Variants in NPAS3 observed in about 807,000 individuals in gnomAD.
NPAS3 encodes neuronal PAS domain-containing protein 3.
A neutral mutation model predicts 73.1 loss-of-function variants in NPAS3; 14 were observed. The ratio of observed to expected loss-of-function variants is 0.19; its 90% CI spans 0.13 to 0.30. The LOEUF (loss-of-function observed/expected upper bound fraction) is 0.30. Ranked by LOEUF, NPAS3 falls within the 10% of genes least tolerant of loss-of-function variation. NPAS3 has a pLI of 1.00. For synonymous variants in NPAS3, 620 were observed against 541.5 expected (o/e 1.14, Z -2.01); for missense variants, 1,096 against 1,250.0 (o/e 0.88, Z 1.86).
chr14:33,571,678 C>T (rs2139821880), intron 5 of NPAS3, among the ~76,000 whole-genome samples: 1 of 152,308 alleles, frequency 6.6e-6, no homozygotes, highest in Middle Eastern at 3.4e-3. Context: ...CTAGCAATTG[C>T]CTGCTAAGAC....
chr14:33,085,139 G>C (rs536269549), intron 2 of NPAS3, among the ~76,000 whole-genome samples: 1 of 152,134 alleles, frequency 6.6e-6, no homozygotes, highest in Non-Finnish European at 1.5e-5. Context: ...ACCATGTTGC[G>C]TGAGATTTGT....
chr14:33,020,693 T>TA (rs58796157), intron 1 of NPAS3, among the ~76,000 whole-genome samples: 3,160 of 152,120 alleles, frequency 0.021, 92 homozygotes, highest in African/African-American at 0.065. Flanking sequence ...CACCAATCTT[T>TA]AAAAAATATT....
At chr14:33,784,238 T>C (rs1412847500) in intron 9 of NPAS3, among the ~76,000 whole-genome samples, 1 of 152,148 alleles carries the variant, frequency 6.6e-6, no homozygotes. Context: ...CCTATTCAAG[T>C]TTATCTAACA....
chr14:33,606,000 T>TAATATTGCCAA (rs2057547863), intron 5 of NPAS3, among the ~76,000 whole-genome samples: 1 of 152,122 alleles, frequency 6.6e-6, no homozygotes, highest in Admixed American at 6.5e-5. Context: ...CAAGACAGCG[T>TAATATTGCCAA]GATATTGGCA....
chr14:32,941,625 T>C (rs2036019233), intron 1 of NPAS3, among the ~76,000 whole-genome samples: 1 of 151,950 alleles, frequency 6.6e-6, no homozygotes, highest in Admixed American at 6.6e-5. Flanking sequence ...GAAATTCTGA[T>C]TGAAGTTGTA....
At chr14:33,159,988 C>T (rs1435311474) in intron 2 of NPAS3, among the ~76,000 whole-genome samples, 4 of 152,120 alleles carry the variant, frequency 2.6e-5, no homozygotes, top group South Asian at 4.1e-4. Flanking sequence ...CTAAACTCAA[C>T]AAATTTAAAT....
At chr14:32,939,638 A>G (rs996335123) in intron 1 of NPAS3, among the ~76,000 whole-genome samples, 2 of 149,334 alleles carry the variant, frequency 1.3e-5, no homozygotes, top group Admixed American at 6.7e-5. Flanking sequence ...AAAAAAAAAA[A>G]AAGAAGAAAG....
chr14:33,696,703 C>T (rs2060392352), intron 6 of NPAS3, among the ~76,000 whole-genome samples: 1 of 152,194 alleles, frequency 6.6e-6, no homozygotes, highest in Non-Finnish European at 1.5e-5. Context: ...ATTTAGTTTG[C>T]TTCCAGGAAA....
intron 4 of NPAS3, among the ~76,000 whole-genome samples, chr14:33,369,836 A>AAAC (rs2046008364): frequency 1.3e-5 from 2 of 152,152 alleles, no homozygotes; most frequent in Admixed American, 1.3e-4. Flanking sequence ...ACTAGCAGGG[A>AAAC]AACTTTTGAG....
chr14:33,530,551 T>C (rs2053994527), intron 4 of NPAS3, among the ~76,000 whole-genome samples: 1 of 152,086 alleles, frequency 6.6e-6, no homozygotes, highest in Non-Finnish European at 1.5e-5. Flanking sequence ...GTTGTCAGTT[T>C]GAAAAACCCT....
intron 1 of NPAS3, among the ~76,000 whole-genome samples, chr14:32,984,483 CTT>C (rs928750829): frequency 6.6e-6 from 1 of 152,140 alleles, no homozygotes; most frequent in African/African-American, 2.4e-5. Context: ...TTTTATGAGT[CTT>C]TGGAGATGTG....
intron 5 of NPAS3, among the ~76,000 whole-genome samples, chr14:33,668,927 C>T (rs978415916): frequency 2.6e-5 from 4 of 152,152 alleles, no homozygotes; most frequent in Non-Finnish European, 4.4e-5. Flanking sequence ...GGACAAAATT[C>T]GCTATGAAAA....
intron 4 of NPAS3, among the ~76,000 whole-genome samples, chr14:33,458,319 T>G (rs998940306): frequency 7.9e-5 from 12 of 152,252 alleles, no homozygotes; most frequent in Non-Finnish European, 1.8e-4. Context: ...TTTTCTTTCA[T>G]GTCACAATCT....
At chr14:33,308,559 C>CACAT (rs1235428200) in intron 3 of NPAS3, among the ~76,000 whole-genome samples, 4 of 60,658 alleles carry the variant, frequency 6.6e-5, no homozygotes, top group African/African-American at 4.6e-4. Flanking sequence ...CACACACATA[C>CACAT]ATACATTATA....
At chr14:33,256,153 A>C (rs938953399) in intron 3 of NPAS3, among the ~76,000 whole-genome samples, 1 of 152,160 alleles carries the variant, frequency 6.6e-6, no homozygotes. Context: ...CTGACCACCA[A>C]AGTTGTAGTT....
At chr14:33,109,804 G>A (rs1228350584) in intron 2 of NPAS3, among the ~76,000 whole-genome samples, 1 of 130,838 alleles carries the variant, frequency 7.6e-6, no homozygotes, top group African/African-American at 2.8e-5. Flanking sequence ...TCTGTAATTT[G>A]CATGTCTTTT....
intron 6 of NPAS3, among the ~76,000 whole-genome samples, chr14:33,721,762 G>T (rs2061118603): frequency 6.6e-6 from 1 of 152,192 alleles, no homozygotes; most frequent in African/African-American, 2.4e-5. Flanking sequence ...AGTAAAACAT[G>T]AGGATAAGCA....
chr14:33,086,179 C>A (rs942630969), intron 2 of NPAS3, among the ~76,000 whole-genome samples: 1 of 152,064 alleles, frequency 6.6e-6, no homozygotes, highest in Non-Finnish European at 1.5e-5. Flanking sequence ...ATTTAGTTGA[C>A]TGCGTAAGTT....
intron 1 of NPAS3, among the ~76,000 whole-genome samples, chr14:33,020,423 C>T (rs1378154512): frequency 6.6e-6 from 1 of 152,120 alleles, no homozygotes; most frequent in South Asian, 2.1e-4. Context: ...CAAATGTTAA[C>T]GGTAAGTACC....
Sources: allele counts gnomAD v4.1 joint callset (sites outside exome capture counted in the v4.1 genomes callset), GRCh38; gene constraint gnomAD v4.1.1; transcripts MANE v1.5; gene names NCBI Gene and HGNC (gene_info 2026-07-23, HGNC 2026-07-21).